Variants in NDRG3 observed in about 807,000 individuals in gnomAD.
NDRG3 encodes the protein protein NDRG3.
NDRG3 carries 23 observed loss-of-function variants against 57.2 expected under a neutral mutation model. The observed-to-expected ratio is 0.40, with a 90% CI of 0.29 to 0.57. NDRG3 has a LOEUF of 0.57. Among genes scored for constraint, NDRG3 ranks in the 20% least tolerant of loss-of-function variants. The pLI is 0.42. For missense variants in NDRG3, 384 were observed against 457.3 expected (o/e 0.84, Z 1.46); for synonymous variants, 132 against 162.6 (o/e 0.81, Z 1.43).
At chr20:36,691,218 T>C (rs1258727503) in intron 3 of NDRG3, among the ~76,000 whole-genome samples, 1 of 152,246 alleles carries the variant, frequency 6.6e-6, no homozygotes, top group Non-Finnish European at 1.5e-5. Context: ...GAAGACAATC[T>C]TAAGCTAATT....
rs187061625 is a variant in NDRG3, at chr20:36,687,074, G to A, written c.320+418C>T. 3.5e-3 allele frequency among the ~76,000 whole-genome samples: 534 copies of A among 152,090 alleles called. 2 individuals are homozygous for A. The highest frequency in any genetic ancestry group is 5.6e-3 in the Admixed American group (86 of 15,262). ...AGGTATTCCTATGTTATCCAGGCTG[G>A]TCTTGAACCCCGGGGCTCAAGCAAT... On this transcript the variant is annotated intron_variant, in intron 5 of 15. Coordinates refer to ENST00000349004, the MANE Select transcript of NDRG3 (RefSeq NM_032013.4).
intron 15 of NDRG3, among the ~76,000 whole-genome samples, chr20:36,654,390 C>T (rs536455306): frequency 4.9e-4 from 74 of 152,294 alleles, no homozygotes; most frequent in African/African-American, 1.6e-3. Context: ...AGCAGCCACT[C>T]CCCTAGCTGT....
intron 2 of NDRG3, among the ~76,000 whole-genome samples, chr20:36,711,812 T>A (rs1359932986): frequency 1.3e-5 from 2 of 152,222 alleles, no homozygotes; most frequent in East Asian, 3.8e-4. Context: ...GGAGTCTCGC[T>A]TTGTCGCCCA....
intron 2 of NDRG3, among the ~76,000 whole-genome samples, chr20:36,716,680 G>T (rs999733811): frequency 1.3e-5 from 2 of 152,050 alleles, no homozygotes; most frequent in African/African-American, 4.8e-5. Context: ...CCTTCTACTT[G>T]TTTTCTCAAG....
chr20:36,692,801 T>G (rs574254441), intron 3 of NDRG3, among the ~76,000 whole-genome samples: 1 of 151,628 alleles, frequency 6.6e-6, no homozygotes, highest in South Asian at 2.1e-4. Context: ...AAGGCAGTGG[T>G]GGTGGCTCAT....
intron 13 of NDRG3, 112 bp downstream of exon 13, chr20:36,660,225 T>G: frequency 3.5e-6 from 3 of 847,364 alleles, no homozygotes; most frequent in Non-Finnish European, 5.6e-6. Flanking sequence ...AAGAAGAGAA[T>G]GAGATAACCA....
intron 9 of NDRG3, among the ~76,000 whole-genome samples, chr20:36,666,855 A>T (rs571023755): frequency 6.6e-6 from 1 of 152,286 alleles, no homozygotes; most frequent in African/African-American, 2.4e-5. Context: ...CTTTTTTTAT[A>T]AGATGGAGTC....
At chr20:36,723,428 C>G (rs1458719947) in intron 1 of NDRG3, among the ~76,000 whole-genome samples, 1 of 151,982 alleles carries the variant, frequency 6.6e-6, no homozygotes, top group Non-Finnish European at 1.5e-5. Context: ...TGGCCCTAAA[C>G]CTATCAAGTC....
Position 36,735,970 on chromosome 20 carries a change from C to CAA in NDRG3, c.-49+10073_-49+10074dup, listed in dbSNP as rs576981000. ...GCCTGGGCAGAGCGAGGCCCTGTCTCAAAAAAAAAAAAAAAAAAAAAAAGA... is the reference window on the plus strand; with the variant it reads ...GCCTGGGCAGAGCGAGGCCCTGTCTCAAAAAAAAAAAAAAAAAAAAAAAAAGA... On this transcript the variant is annotated intron_variant, in intron 1 of 15. Transcript: ENST00000349004. Among the ~76,000 whole-genome samples the CAA allele has an allele frequency of 8.1e-3, 402 of 49,702 alleles. 3 individuals carry two copies. The highest frequency in any genetic ancestry group is 0.02 in the African/African-American group (276 of 14,100). 32.6% of individuals were successfully genotyped at this position (49,702 alleles called of 152,430 possible).
intron 9 of NDRG3, among the ~76,000 whole-genome samples, chr20:36,669,142 C>CACCT (rs1211022995): frequency 6.6e-6 from 1 of 151,680 alleles, no homozygotes. Flanking sequence ...ACGCAACCTT[C>CACCT]ACCTCCTGGG....
intron 2 of NDRG3, among the ~76,000 whole-genome samples, chr20:36,712,581 A>ATTTTTT (rs1568660373): frequency 2.2e-4 from 3 of 13,402 alleles, no homozygotes; most frequent in African/African-American, 5.2e-4. Flanking sequence ...ATATATATAT[A>ATTTTTT]TATATATTTT....
intron 12 of NDRG3, among the ~76,000 whole-genome samples, chr20:36,664,350 T>C (rs972614579): frequency 6.6e-6 from 1 of 152,172 alleles, no homozygotes; most frequent in Non-Finnish European, 1.5e-5. Flanking sequence ...TTTTCATAGT[T>C]TCTACAATGA....
chr20:36,688,297 A>G (rs1423693332), intron 4 of NDRG3, among the ~76,000 whole-genome samples: 3 of 152,238 alleles, frequency 2.0e-5, no homozygotes, highest in Admixed American at 1.3e-4. Context: ...GGCTCTAGCA[A>G]GAATTCTTAC....
intron 2 of NDRG3, among the ~76,000 whole-genome samples, chr20:36,707,443 A>G (rs1389023269): frequency 6.6e-6 from 1 of 152,182 alleles, no homozygotes; most frequent in Non-Finnish European, 1.5e-5. Context: ...CAGGAATTAA[A>G]TAAAGGATCA....
chr20:36,714,612 T>G (rs562305750), intron 2 of NDRG3, among the ~76,000 whole-genome samples: 4 of 150,304 alleles, frequency 2.7e-5, no homozygotes, highest in Admixed American at 1.3e-4. Flanking sequence ...TTTTGTTTTT[T>G]TTTGTTTGTT....
intron 2 of NDRG3, among the ~76,000 whole-genome samples, chr20:36,711,240 C>T (rs2148177766): frequency 6.6e-6 from 1 of 151,278 alleles, no homozygotes. Flanking sequence ...GATCACGCCA[C>T]TGCACTCCAG....
chr20:36,721,766 A>G lies in NDRG3; in HGVS notation c.-31T>C. ...CAGATAACGAGAGTAGAGGAATCTC[A>G]AGAATAAATCAGTAACTCTGAAACA... On this transcript the variant is annotated 5_prime_UTR_variant, in exon 2 of 16. Coordinates refer to ENST00000349004, the MANE Select transcript of NDRG3 (RefSeq NM_032013.4). 3.3e-6 allele frequency: 5 copies of G among 1,510,520 alleles called. No individual in the cohort carries two copies. Among genetic ancestry groups the G allele is most frequent in the Non-Finnish European group, 4.6e-6 (5 of 1,094,764 alleles). 93.6% of individuals were successfully genotyped at this position (1,510,520 alleles called of 1,614,324 possible). A position where few individuals can be genotyped will look rare whatever the true frequency, so the allele number is the denominator to read the frequency against.
At chr20:36,660,630 G>A (rs1185935377) in intron 12 of NDRG3, among the ~76,000 whole-genome samples, 1 of 150,662 alleles carries the variant, frequency 6.6e-6, no homozygotes, top group South Asian at 2.1e-4. Context: ...GCGCGATCTC[G>A]GCTCACTGCA....
intron 1 of NDRG3, among the ~76,000 whole-genome samples, chr20:36,729,263 G>A (rs1209580773): frequency 1.3e-5 from 2 of 152,250 alleles, no homozygotes; most frequent in East Asian, 1.9e-4. Flanking sequence ...TAGTTATAAC[G>A]CTAAGGGCAT....
Sources: gnomAD v4.1 joint callset for allele counts (sites outside exome capture counted in the v4.1 genomes callset) on GRCh38, gnomAD v4.1.1 for gene constraint, MANE v1.5 for transcripts, NCBI Gene and HGNC (gene_info 2026-07-23, HGNC 2026-07-21) for gene names.